The following NRG3 variants were observed in gnomAD, a reference collection of about 807,000 sequenced individuals.
NRG3 encodes the protein neuregulin 3.
Under a neutral mutation model 66.9 loss-of-function variants are expected in NRG3, and 31 were observed. That is an observed-to-expected ratio of 0.46 (90% confidence interval 0.35 to 0.63). NRG3 has a LOEUF of 0.63. Ranked by LOEUF, NRG3 falls within the 20% of genes least tolerant of loss-of-function variation. The pLI is 0.00. For synonymous variants in NRG3, 393 were observed against 359.4 expected (o/e 1.09, Z -1.06); for missense variants, 910 against 878.9 (o/e 1.04, Z -0.45).
chr10:82,750,635 T>C (rs17100720), intron 3 of NRG3, among the ~76,000 whole-genome samples: 14,647 of 152,096 alleles, frequency 0.096, 2,202 homozygotes, highest in African/African-American at 0.32. Flanking sequence ...TTATTATTTC[T>C]GAGTTATAGT....
chr10:82,761,965 T>TTTCTTTCTTTCTTTTCTTTCTTTC (rs2059339759), intron 3 of NRG3, among the ~76,000 whole-genome samples: 1 of 144,534 alleles, frequency 6.9e-6, no homozygotes, highest in Non-Finnish European at 1.5e-5. Context: ...TCTTTCTTTC[T>TTTCTTTCTTTCTTTTCTTTCTTTC]TTCTTTCTTT....
chr10:82,205,226 A>T lies in NRG3; in HGVS notation c.824-153513A>T, dbSNP rs2075056394. 2.0e-5 allele frequency among the ~76,000 whole-genome samples: 3 copies of T among 152,192 alleles called. No homozygotes were observed. The South Asian group carries it at 6.2e-4, about 31-fold the overall frequency. On this transcript the variant is annotated intron_variant, in intron 1 of 8. Transcript: ENST00000372141. ...TAAACATACTTCGTTCCCACTACAGATGCCATCTTGGTTCCTTCTCTACCT... is the reference window on the plus strand; with the variant it reads ...TAAACATACTTCGTTCCCACTACAGTTGCCATCTTGGTTCCTTCTCTACCT...
At chr10:82,289,932 C>T (rs1421380141) in intron 1 of NRG3, among the ~76,000 whole-genome samples, 1 of 152,178 alleles carries the variant, frequency 6.6e-6, no homozygotes, top group Non-Finnish European at 1.5e-5. Context: ...GCCCTGTTTT[C>T]TGAGAAGGTT....
chr10:82,336,529 C>CTTTTTTTTTTTTTTTTTTTTTT (rs11345974), intron 1 of NRG3, among the ~76,000 whole-genome samples: 1 of 137,826 alleles, frequency 7.3e-6, no homozygotes. Flanking sequence ...CTTTTCTTTT[C>CTTTTTTTTTTTTTTTTTTTTTT]TTTTTTTTTT....
intron 1 of NRG3, among the ~76,000 whole-genome samples, chr10:82,181,403 A>G (rs1452400011): frequency 6.6e-6 from 1 of 151,644 alleles, no homozygotes; most frequent in African/African-American, 2.4e-5. Flanking sequence ...GTTCATTGCA[A>G]TATACTTCTC....
intron 2 of NRG3, among the ~76,000 whole-genome samples, chr10:82,650,940 CACATTGGGAAAA>C (rs548712906): frequency 3.4e-4 from 52 of 152,264 alleles, no homozygotes; most frequent in Admixed American, 9.2e-4. Context: ...TTCAAGCCCA[CACATTGGGAAAA>C]ACTGCTTTCA....
At chr10:82,120,561 A>T (rs1044685266) in intron 1 of NRG3, among the ~76,000 whole-genome samples, 2 of 152,154 alleles carry the variant, frequency 1.3e-5, no homozygotes, top group African/African-American at 4.8e-5. Context: ...AGGGAATCAC[A>T]TAAGTCAAGT....
intron 1 of NRG3, among the ~76,000 whole-genome samples, chr10:81,915,742 C>A (rs140403640): frequency 8.1e-4 from 123 of 152,110 alleles, no homozygotes; most frequent in Admixed American, 4.7e-3. Context: ...AGAGCCTCCT[C>A]GATGAGAATG....
intron 1 of NRG3, among the ~76,000 whole-genome samples, chr10:82,147,356 T>A (rs1321547855): frequency 6.6e-6 from 1 of 152,198 alleles, no homozygotes; most frequent in Non-Finnish European, 1.5e-5. Flanking sequence ...TAGGTTTGGA[T>A]ATGCCTCTGA....
chr10:82,922,058 A>G (rs1371105153), intron 4 of NRG3, among the ~76,000 whole-genome samples: 2 of 152,072 alleles, frequency 1.3e-5, no homozygotes. Context: ...TTTTTTCATT[A>G]AAAGATAAGC....
At chr10:82,546,463 T>A (rs2043923845) in intron 2 of NRG3, among the ~76,000 whole-genome samples, 1 of 152,212 alleles carries the variant, frequency 6.6e-6, no homozygotes, top group South Asian at 2.1e-4. Context: ...CGTGTTACTT[T>A]ACTTCTCCAA....
At chr10:82,130,449 A>G (rs1447809413) in intron 1 of NRG3, among the ~76,000 whole-genome samples, 1 of 152,084 alleles carries the variant, frequency 6.6e-6, no homozygotes. Context: ...TGTTGATGGA[A>G]ACAGGTTGCT....
chr10:82,157,745 T>TGAAGA (rs113523003), intron 1 of NRG3, among the ~76,000 whole-genome samples: 1 of 150,790 alleles, frequency 6.6e-6, no homozygotes, highest in Non-Finnish European at 1.5e-5. Flanking sequence ...GTGGTGTTAT[T>TGAAGA]GTAAGTTAAA....
intron 1 of NRG3, among the ~76,000 whole-genome samples, chr10:82,295,082 A>AT (rs78860074): frequency 2.0e-5 from 3 of 152,048 alleles, no homozygotes; most frequent in Non-Finnish European, 4.4e-5. Context: ...TAAAAAAAAA[A>AT]TTCAACCTGT....
chr10:82,631,612 T>C (rs1273085486), intron 2 of NRG3, among the ~76,000 whole-genome samples: 6 of 151,566 alleles, frequency 4.0e-5, no homozygotes, highest in African/African-American at 1.5e-4. Context: ...TTTCAGTCTT[T>C]GTAATAGCTA....
intron 1 of NRG3, among the ~76,000 whole-genome samples, chr10:82,280,242 C>T (rs1358089606): frequency 2.6e-5 from 4 of 152,082 alleles, no homozygotes; most frequent in African/African-American, 9.7e-5. Flanking sequence ...ATAACACTAA[C>T]ATTATAGAGT....
intron 1 of NRG3, among the ~76,000 whole-genome samples, chr10:82,046,995 A>T (rs989582808): frequency 7.4e-6 from 1 of 135,462 alleles, no homozygotes; most frequent in African/African-American, 2.5e-5. Flanking sequence ...GGATTTTTGC[A>T]TCAATGTTCA....
intron 1 of NRG3, among the ~76,000 whole-genome samples, chr10:81,941,405 G>T (rs1848393105): frequency 2.0e-5 from 3 of 152,140 alleles, no homozygotes; most frequent in Non-Finnish European, 2.9e-5. Flanking sequence ...TCTGAGTGGA[G>T]AGGAAGATGG....
intron 1 of NRG3, among the ~76,000 whole-genome samples, chr10:82,186,511 C>T (rs999736201): frequency 6.6e-6 from 1 of 152,168 alleles, no homozygotes; most frequent in East Asian, 1.9e-4. Flanking sequence ...CTGAGCCTGA[C>T]AAATTTGCAG....
Sources: gnomAD v4.1 joint callset for allele counts (sites outside exome capture counted in the v4.1 genomes callset) on GRCh38, gnomAD v4.1.1 for gene constraint, MANE v1.5 for transcripts, NCBI Gene and HGNC (gene_info 2026-07-23, HGNC 2026-07-21) for gene names.